Variants in NTM observed in about 807,000 individuals in gnomAD.
The protein encoded by NTM is neurotrimin, also known as IgLON family member 2.
NTM carries 13 observed loss-of-function variants against 42.1 expected under a neutral mutation model. The ratio of observed to expected loss-of-function variants is 0.31; its 90% confidence interval spans 0.20 to 0.49. NTM has a LOEUF of 0.49. NTM is among the 20% of genes least tolerant of loss of function. NTM has a pLI of 0.99. For synonymous variants in NTM, 187 were observed against 179.2 expected, an observed-to-expected ratio of 1.04 and a Z score of -0.35; for missense variants, 373 against 452.8, an observed-to-expected ratio of 0.82 and a Z score of 1.60.
At chr11:132,251,668 C>A (rs184075749) in intron 4 of NTM, among the ~76,000 whole-genome samples, 1 of 152,156 alleles carries the variant, frequency 6.6e-6, no homozygotes, top group African/African-American at 2.4e-5. Context: ...TGCGAAATGG[C>A]GGGACCAATA....
chr11:131,442,089 C>T (rs182022294), intron 1 of NTM, among the ~76,000 whole-genome samples: 2 of 152,314 alleles, frequency 1.3e-5, no homozygotes, highest in African/African-American at 2.4e-5. Context: ...CCCAATTATG[C>T]GGAGATGATT....
intron 1 of NTM, among the ~76,000 whole-genome samples, chr11:131,580,022 A>G (rs144629051): frequency 5.2e-4 from 79 of 152,264 alleles, no homozygotes; most frequent in African/African-American, 1.9e-3. Flanking sequence ...CAGGAGGTGG[A>G]GATGGCCTAT....
intron 4 of NTM, among the ~76,000 whole-genome samples, chr11:132,247,203 T>C (rs188503106): frequency 7.2e-5 from 11 of 152,298 alleles, no homozygotes; most frequent in African/African-American, 2.2e-4. Flanking sequence ...TGCGTGTATG[T>C]CCAGCTCACA....
intron 1 of NTM, among the ~76,000 whole-genome samples, chr11:131,463,363 A>G (rs1440312568): frequency 1.3e-5 from 2 of 152,200 alleles, no homozygotes; most frequent in African/African-American, 2.4e-5. Flanking sequence ...GGGTGAGGGT[A>G]GCACCCAGCT....
At chr11:131,873,666 CAT>C (rs200923876) in intron 1 of NTM, among the ~76,000 whole-genome samples, 1,615 of 112,830 alleles carry the variant, frequency 0.014, 51 homozygotes, top group Non-Finnish European at 0.02. Context: ...TATATATACA[CAT>C]ATATATATAC....
chr11:131,719,348 A>G (rs886926017), intron 1 of NTM, among the ~76,000 whole-genome samples: 1 of 152,186 alleles, frequency 6.6e-6, no homozygotes, highest in Non-Finnish European at 1.5e-5. Flanking sequence ...TTGTGCATAA[A>G]TCCTCCTTGA....
intron 1 of NTM, among the ~76,000 whole-genome samples, chr11:131,606,581 G>A (rs1387494011): frequency 6.6e-6 from 1 of 152,142 alleles, no homozygotes; most frequent in Non-Finnish European, 1.5e-5. Flanking sequence ...TTACGATGGA[G>A]GATTTCAGTG....
chr11:132,135,860 G>C (rs1229738112), intron 2 of NTM, among the ~76,000 whole-genome samples: 1 of 152,188 alleles, frequency 6.6e-6, no homozygotes, highest in African/African-American at 2.4e-5. Context: ...ATCGAGGTGA[G>C]GGAGGGCTCT....
At chr11:131,443,954 C>A (rs1949818940) in intron 1 of NTM, among the ~76,000 whole-genome samples, 1 of 152,044 alleles carries the variant, frequency 6.6e-6, no homozygotes, top group South Asian at 2.1e-4. Context: ...TTGCTGCAAC[C>A]TCATAAGAGA....
At chr11:131,821,025 G>T (rs943086320) in intron 1 of NTM, among the ~76,000 whole-genome samples, 2 of 146,456 alleles carry the variant, frequency 1.4e-5, no homozygotes, top group African/African-American at 2.5e-5. Context: ...CCTCCAAAGG[G>T]TTTTTTTTTT....
At chr11:131,878,330 G>A (rs1046775208) in intron 1 of NTM, among the ~76,000 whole-genome samples, 23 of 151,780 alleles carry the variant, frequency 1.5e-4, no homozygotes, top group Middle Eastern at 3.4e-3. Context: ...CAGCACTTTG[G>A]GAGGCTGAGG....
intron 1 of NTM, among the ~76,000 whole-genome samples, chr11:131,771,981 CT>C (rs1283440213): frequency 6.6e-6 from 1 of 152,156 alleles, no homozygotes; most frequent in Admixed American, 6.5e-5. Flanking sequence ...ATTTTCAAAT[CT>C]ATTTTTCATT....
chr11:131,460,406 G>A (rs12417907), intron 1 of NTM, among the ~76,000 whole-genome samples: 33,838 of 152,034 alleles, frequency 0.22, 4,496 homozygotes, highest in Non-Finnish European at 0.3. Flanking sequence ...TTTAGTATTC[G>A]GAATTATCTA....
intron 1 of NTM, among the ~76,000 whole-genome samples, chr11:131,860,236 C>T (rs1236984349): frequency 1.3e-5 from 2 of 152,158 alleles, no homozygotes; most frequent in Non-Finnish European, 2.9e-5. Flanking sequence ...TTTGGAGGGT[C>T]TCTGGAAGGG....
intron 1 of NTM, among the ~76,000 whole-genome samples, chr11:131,566,486 C>T (rs2056902528): frequency 6.6e-6 from 1 of 151,926 alleles, no homozygotes; most frequent in Non-Finnish European, 1.5e-5. Flanking sequence ...ATGCAAGGGG[C>T]ATGCAGAAGG....
At chr11:131,789,951 G>C (rs577492210) in intron 1 of NTM, among the ~76,000 whole-genome samples, 2 of 83,168 alleles carry the variant, frequency 2.4e-5, no homozygotes, top group Non-Finnish European at 4.0e-5. Flanking sequence ...GCGAGACTCC[G>C]TCTCAAAAAA....
In NTM at chr11:132,026,089, GTGTT is replaced by G. The variant is rs535542157; in HGVS notation, c.167+114444_167+114447del. Among the ~76,000 whole-genome samples, 48 of 152,296 alleles carry G rather than the reference GTGTT, an allele frequency of 3.2e-4. No individual in the cohort carries two copies. The South Asian group carries it at 9.3e-3, about 30-fold the overall frequency. ...GCATTATCTAATTAATGAGCACAGA[GTGTT>G]TGGGAAATACAAAGTACTGTACAAA... On this transcript the variant is annotated intron_variant, in intron 2 of 8. Transcript: ENST00000683400.
In NTM at chr11:131,400,331, G is replaced by A. The variant is rs1945000432; in HGVS notation, c.82+29443G>A. ...CTCTGCTGGGGCTTTTATCCCTTGT[G>A]CTGAAGACCATGCTCATTTTCTCAA... On this transcript the variant is annotated intron_variant, in intron 1 of 8. Coordinates refer to ENST00000683400, the MANE Select transcript of NTM (RefSeq NM_001352005.2). Among the ~76,000 whole-genome samples, 3 of 152,120 alleles carry A rather than the reference G, an allele frequency of 2.0e-5. No homozygotes were observed. In the South Asian group the frequency reaches 6.2e-4, roughly 32 times the overall value.
At chr11:132,259,267 A>G (rs2092696482) in intron 4 of NTM, among the ~76,000 whole-genome samples, 1 of 152,318 alleles carries the variant, frequency 6.6e-6, no homozygotes, top group East Asian at 1.9e-4. Flanking sequence ...CCAATGCATA[A>G]ATTTAAAAGA....
Sources: allele counts gnomAD v4.1 joint callset (sites outside exome capture counted in the v4.1 genomes callset), GRCh38; gene constraint gnomAD v4.1.1; transcripts MANE v1.5; gene names NCBI Gene and HGNC (gene_info 2026-07-23, HGNC 2026-07-21).